IL1RAPL1: variants seen among roughly 807,000 people sequenced by gnomAD.
The protein encoded by IL1RAPL1 is interleukin 1 receptor accessory protein like 1.
Under a neutral mutation model 48.4 loss-of-function variants are expected in IL1RAPL1, and 3 were observed. The ratio of observed to expected loss-of-function variants is 0.06; its 90% CI spans 0.03 to 0.16. IL1RAPL1 has a LOEUF of 0.16. IL1RAPL1 is among the 10% of genes least tolerant of loss of function. The probability of loss-of-function intolerance (pLI) is 1.00; values close to 1 mark genes in which losing one functional copy is unlikely to be tolerated. For missense variants in IL1RAPL1, 349 were observed against 530.6 expected (o/e 0.66, Z 3.36); for synonymous variants, 185 against 187.7 (o/e 0.99, Z 0.12).
intron 6 of IL1RAPL1, among the ~76,000 whole-genome samples, chrX:29,856,551 C>A (rs1214898302): frequency 8.9e-6 from 1 of 111,791 alleles, no homozygotes; most frequent in Admixed American, 9.5e-5. Flanking sequence ...ACAGTAGTTT[C>A]TTTTGCTACC....
At chrX:29,554,698 C>G (rs1025283775) in intron 5 of IL1RAPL1, among the ~76,000 whole-genome samples, 1 of 111,355 alleles carries the variant, frequency 9.0e-6, no homozygotes. Flanking sequence ...CAATTTTTAG[C>G]CCTAAAGAGC....
intron 5 of IL1RAPL1, among the ~76,000 whole-genome samples, chrX:29,634,415 A>C (rs2147081438): frequency 8.9e-6 from 1 of 111,811 alleles, no homozygotes; most frequent in South Asian, 3.8e-4. Context: ...ACTAGTGGAC[A>C]TGAAGAATTG....
chrX:28,719,316 C>T (rs1401921811), intron 1 of IL1RAPL1, among the ~76,000 whole-genome samples: 1 of 110,708 alleles, frequency 9.0e-6, no homozygotes, highest in Non-Finnish European at 1.9e-5. Flanking sequence ...TGCACTGAAC[C>T]TGCCTTATGG....
intron 2 of IL1RAPL1, among the ~76,000 whole-genome samples, chrX:28,831,022 CTCTCTGTGTG>C (rs1165376430): frequency 4.6e-5 from 3 of 64,979 alleles, no homozygotes; most frequent in East Asian, 1.4e-3. Context: ...CTCTCTCTCT[CTCTCTGTGTG>C]TGTGTGTGTG....
At chrX:29,702,265 A>C (rs1327088000) in intron 6 of IL1RAPL1, among the ~76,000 whole-genome samples, 1 of 109,384 alleles carries the variant, frequency 9.1e-6, no homozygotes, top group Non-Finnish European at 1.9e-5. Context: ...AAAAAAAAAA[A>C]AAACCTTCCT....
At chrX:28,732,196 A>G (rs950872651) in intron 1 of IL1RAPL1, among the ~76,000 whole-genome samples, 2 of 112,443 alleles carry the variant, frequency 1.8e-5, no homozygotes, top group Admixed American at 1.9e-4. Flanking sequence ...AAGAAGTTGT[A>G]ATTATACCAA....
In IL1RAPL1 at chrX:29,660,228, C is replaced by T. The variant is rs1925801690; in HGVS notation, c.704-8202C>T. Among the ~76,000 whole-genome samples the T allele has an allele frequency of 3.6e-5, 4 of 112,023 alleles. No homozygotes were observed. In the South Asian group the frequency reaches 1.1e-3, roughly 31 times the overall value. ...ATGAGATTTGGATGGGGATGCAGAGCCAAACCATATCACCTTGTCAGGTAG... is the reference window on the plus strand; with the variant it reads ...ATGAGATTTGGATGGGGATGCAGAGTCAAACCATATCACCTTGTCAGGTAG... On this transcript the variant is annotated intron_variant, in intron 5 of 10. Coordinates refer to ENST00000378993, the MANE Select transcript of IL1RAPL1 (RefSeq NM_014271.4).
At chrX:29,625,745 T>C in intron 5 of IL1RAPL1, among the ~76,000 whole-genome samples, 1 of 112,077 alleles carries the variant, frequency 8.9e-6, no homozygotes, top group Non-Finnish European at 1.9e-5. Flanking sequence ...AGTTAATCAG[T>C]GATATAATGA....
At chrX:29,556,542 G>A (rs1208909727) in intron 5 of IL1RAPL1, among the ~76,000 whole-genome samples, 3 of 109,335 alleles carry the variant, frequency 2.7e-5, no homozygotes. Context: ...CAATTACATG[G>A]GAGGCTGAGG....
intron 6 of IL1RAPL1, among the ~76,000 whole-genome samples, chrX:29,836,188 CTTT>C (rs201175211): frequency 2.2e-5 from 2 of 89,181 alleles, no homozygotes; most frequent in African/African-American, 9.3e-5. Context: ...TTTCATTTTT[CTTT>C]TTTTTTTTTT....
At chrX:29,745,883 A>G (rs184760918) in intron 6 of IL1RAPL1, among the ~76,000 whole-genome samples, 1 of 111,541 alleles carries the variant, frequency 9.0e-6, no homozygotes, top group Non-Finnish European at 1.9e-5. Context: ...TATCTACCAT[A>G]CCAATGTAGG....
At chrX:28,730,336 G>T (rs1437677482) in intron 1 of IL1RAPL1, among the ~76,000 whole-genome samples, 1 of 111,360 alleles carries the variant, frequency 9.0e-6, no homozygotes, top group Non-Finnish European at 1.9e-5. Flanking sequence ...AAGGGCTATA[G>T]AAACTGTTTC....
At chrX:29,621,322 TGTATAA>T (rs914029981) in intron 5 of IL1RAPL1, among the ~76,000 whole-genome samples, 1 of 111,283 alleles carries the variant, frequency 9.0e-6, no homozygotes, top group African/African-American at 3.3e-5. Context: ...TACATGAACA[TGTATAA>T]GTATATGGAT....
In IL1RAPL1 at chrX:29,179,897, C is replaced by T. The variant is rs192964864; in HGVS notation, c.83-103041C>T. ...GGGCTTGCTAAAAGACAAAAGTATC[C>T]GATTCAGAAAGTTGGGTGGGGCACA... On this transcript the variant is annotated intron_variant, in intron 2 of 10. Coordinates refer to ENST00000378993, the MANE Select transcript of IL1RAPL1 (RefSeq NM_014271.4). 1.4e-4 allele frequency among the ~76,000 whole-genome samples: 15 copies of T among 110,927 alleles called. No homozygotes were observed. In the East Asian group the frequency reaches 1.7e-3, roughly 13 times the overall value.
At chrX:29,256,776 G>A (rs779378927) in intron 2 of IL1RAPL1, among the ~76,000 whole-genome samples, 1 of 111,481 alleles carries the variant, frequency 9.0e-6, no homozygotes, top group South Asian at 3.7e-4. Flanking sequence ...TTGGTAACTT[G>A]TAACTGGGAA....
At chrX:29,949,822 T>C (rs1040692312) in intron 9 of IL1RAPL1, among the ~76,000 whole-genome samples, 5 of 112,292 alleles carry the variant, frequency 4.5e-5, no homozygotes, top group African/African-American at 1.6e-4. Context: ...ATCTAAGATG[T>C]ACTATCCAAG....
intron 2 of IL1RAPL1, among the ~76,000 whole-genome samples, chrX:29,262,594 C>G (rs1011026975): frequency 4.6e-5 from 5 of 108,720 alleles, no homozygotes; most frequent in African/African-American, 1.7e-4. Context: ...ACCCAAGAGA[C>G]GGAGGTTGCA....
intron 6 of IL1RAPL1, among the ~76,000 whole-genome samples, chrX:29,785,745 A>G (rs1929480650): frequency 8.9e-6 from 1 of 112,004 alleles, no homozygotes; most frequent in Non-Finnish European, 1.9e-5. Context: ...AACTACAGAT[A>G]TACATAAGAC....
chrX:28,704,796 TCACA>T lies in IL1RAPL1; in HGVS notation c.-24-84491_-24-84488del, dbSNP rs201309320. 9.0e-3 allele frequency among the ~76,000 whole-genome samples: 454 copies of T among 50,523 alleles called. 18 individuals are homozygous for T. The highest frequency in any genetic ancestry group is 0.036 in the Middle Eastern group (2 of 55). The allele number at this position is 50,523 out of a possible 115,157, so 43.9% of individuals were successfully genotyped here. ...CAGCGGCAAGTTGGCAGGTTTGAGT[TCACA>T]CACACACACACACACACACACACAC... On this transcript the variant is annotated intron_variant, in intron 1 of 10. Coordinates refer to ENST00000378993, the MANE Select transcript of IL1RAPL1 (RefSeq NM_014271.4).
Sources: gnomAD v4.1 joint callset for allele counts (sites outside exome capture counted in the v4.1 genomes callset) on GRCh38, gnomAD v4.1.1 for gene constraint, MANE v1.5 for transcripts, NCBI Gene and HGNC (gene_info 2026-07-23, HGNC 2026-07-21) for gene names.